JRK: variants seen among roughly 807,000 people sequenced by gnomAD.
JRK encodes the protein Jrk helix-turn-helix protein, also known as jerky protein homolog.
For synonymous variants in JRK, 303 were observed against 218.1 expected (o/e 1.39, Z -3.43); for missense variants, 720 against 509.2 (o/e 1.41, Z -3.98).
At position 142,666,241 on chromosome 8, in the gene JRK, C is replaced by T; in HGVS notation, c.-183G>A. On this transcript the variant is annotated 5_prime_UTR_variant, in exon 2 of 2. Transcript: ENST00000612905. ...CTCGGGTTTCTCACTCCACACGCTG[C>T]ACCTCCTGCCTCAGGTATCCCTGGT... 3 of 1,018,764 alleles carry T rather than the reference C, an allele frequency of 2.9e-6. No individual in the cohort carries two copies. The highest frequency in any genetic ancestry group is 1.5e-6 in the Non-Finnish European group (1 of 687,696). 63.1% of individuals were successfully genotyped at this position (1,018,764 alleles called of 1,614,324 possible).
At position 142,665,702 on chromosome 8, in the gene JRK, G is replaced by C. The variant is rs376598449; in HGVS notation, c.357C>G (p.Phe119Leu). 1.3e-5 allele frequency: 10 copies of C among 750,022 alleles called. No homozygotes were observed. The highest frequency in any genetic ancestry group is 2.2e-5 in the Non-Finnish European group (9 of 402,764). The allele number at this position is 750,022 out of a possible 1,614,324, so 46.5% of individuals were successfully genotyped here. ...GPMLIEKAKD[F>L]YEQMQLTEPC... is the part of the protein sequence containing the mutation. ...GCTCAGTGAGCTGCATCTGCTCGTA[G>C]AAGTCCTTGGCCTTCTCGATGAGCA... is the stretch of plus-strand genomic sequence containing the variant. The change falls in exon 2 of 2, where the codon TTC (phenylalanine) becomes TTG (leucine). Residue 119 changes from phenylalanine (F) to leucine (L), a missense_variant. Phe to Leu is a conservative substitution (Grantham distance 22, BLOSUM62 0). Coordinates refer to ENST00000612905, the MANE Select transcript of JRK (RefSeq NM_003724.4).
In JRK at chr8:142,664,613, G is replaced by T; in HGVS notation, c.1446C>A (p.Gly482=). Residue 482 remains glycine (G), a synonymous_variant, in exon 2 of 2, where the codon GGC becomes GGA. Coordinates refer to ENST00000612905, the MANE Select transcript of JRK (RefSeq NM_003724.4). The stretch of plus-strand genomic sequence containing the variant: ...CCGCCTGCTCCCAGGCCACCTCCTC[G>T]CCCTCACCAGGATCTCCTCTGCCGT... The part of the protein sequence containing the change: ...DQDGRGDPGE[G]EEVAWEQAAV... The T allele has an allele frequency of 6.2e-7, 1 of 1,609,990 alleles. No homozygotes were observed. Among genetic ancestry groups the T allele is most frequent in the Non-Finnish European group, 8.5e-7 (1 of 1,179,094 alleles).
At position 142,666,371 on chromosome 8, in the gene JRK, C is replaced by T; in HGVS notation, c.-313G>A. The stretch of plus-strand genomic sequence containing the variant: ...TGTCAGACTCCCCTCTGCTGCTCCA[C>T]ACGGCTGGAACTCCGGCCTTCTCTG... On this transcript the variant is annotated 5_prime_UTR_variant, in exon 2 of 2. It adds an upstream start codon to the 5' untranslated region. Coordinates refer to ENST00000612905, the MANE Select transcript of JRK (RefSeq NM_003724.4). 1 of 484,792 alleles carries T rather than the reference C, an allele frequency of 2.1e-6. No homozygotes were observed. The highest frequency in any genetic ancestry group is 3.3e-5 in the Admixed American group (1 of 29,946). 30.0% of individuals were successfully genotyped at this position (484,792 alleles called of 1,614,324 possible). A position where few individuals can be genotyped will look rare whatever the true frequency, so the allele number is the denominator to read the frequency against.
chr8:142,665,298 T>G lies in JRK; in HGVS notation c.761A>C (p.Tyr254Ser), dbSNP rs369670710. 1 of 717,672 alleles carries G rather than the reference T, an allele frequency of 1.4e-6. No homozygotes were observed. Among genetic ancestry groups the G allele is most frequent in the Non-Finnish European group, 2.6e-6 (1 of 385,102 alleles). 44.5% of individuals were successfully genotyped at this position (717,672 alleles called of 1,614,324 possible). A position where few individuals can be genotyped will look rare whatever the true frequency, so the allele number is the denominator to read the frequency against. Residue 254 changes from tyrosine (Y) to serine (S), a missense_variant, in exon 2 of 2, where the codon TAT becomes TCT. Transcript: ENST00000612905. ...FKGIQHLPVA[Y>S]KAQGNAWVDK... ...CACCCAGGCGTTCCCCTGGGCCTTATAGGCGACGGGCAGGTGCTGGATGCC... is the reference window on the plus strand; with the variant it reads ...CACCCAGGCGTTCCCCTGGGCCTTAGAGGCGACGGGCAGGTGCTGGATGCC...
chr8:142,669,199 T>TGTGTGTGTGTGTGC (rs1357904924), intron 1 of JRK, among the ~76,000 whole-genome samples: 3 of 61,596 alleles, frequency 4.9e-5, no homozygotes, highest in African/African-American at 2.4e-4. Flanking sequence ...TGTGTGTGTG[T>TGTGTGTGTGTGTGC]GCGTGTGTGT....
At chr8:142,657,137 T>C (rs781954100), downstream of JRK, among the ~76,000 whole-genome samples, 3 of 152,268 alleles carry the variant, frequency 2.0e-5, no homozygotes, top group African/African-American at 4.8e-5. Flanking sequence ...TCAGACATAA[T>C]TGCTGGAGAG....
the JRK span, among the ~76,000 whole-genome samples, chr8:142,649,414 G>A: frequency 1.3e-5 from 2 of 152,172 alleles, no homozygotes; most frequent in African/African-American, 4.8e-5. Flanking sequence ...TCTCCTGAGA[G>A]TAAGTAAGTC....
chr8:142,659,769 A>G lies in JRK; in HGVS notation c.*4583T>C. On this transcript the variant is annotated 3_prime_UTR_variant, in exon 2 of 2. Coordinates refer to ENST00000612905, the MANE Select transcript of JRK (RefSeq NM_003724.4). ...TGCAGCTGGTGAACAGCAGGGAGTG[A>G]GCAGTGGAGAACGTGAGGCTGGTCA... 2 of 985,542 alleles carry G rather than the reference A, an allele frequency of 2.0e-6. No individual in the cohort carries two copies. Among genetic ancestry groups the G allele is most frequent in the Non-Finnish European group, 2.4e-6 (2 of 829,986 alleles). 61.0% of individuals were successfully genotyped at this position (985,542 alleles called of 1,614,324 possible).
At position 142,664,117 on chromosome 8, in the gene JRK, T is replaced by G; in HGVS notation, c.*235A>C. On this transcript the variant is annotated 3_prime_UTR_variant, in exon 2 of 2. Coordinates refer to ENST00000612905, the MANE Select transcript of JRK (RefSeq NM_003724.4). Reference sequence around the variant, plus strand: ...GGCTAGGGTGGACCCTTCCAAAACATTTCCTCACTTTCGGATGACACGGCA... The same window carrying G: ...GGCTAGGGTGGACCCTTCCAAAACAGTTCCTCACTTTCGGATGACACGGCA... The G allele has an allele frequency of 7.6e-7, 1 of 1,318,628 alleles. No individual in the cohort carries two copies. The highest frequency in any genetic ancestry group is 9.6e-7 in the Non-Finnish European group (1 of 1,037,594). 81.7% of individuals were successfully genotyped at this position (1,318,628 alleles called of 1,614,324 possible).
chr8:142,648,145 G>T, the JRK span, among the ~76,000 whole-genome samples: 1 of 152,196 alleles, frequency 6.6e-6, no homozygotes, highest in Admixed American at 6.5e-5. Context: ...GCTGTTAAAG[G>T]CGTTCAGTTT....
intron 1 of JRK, among the ~76,000 whole-genome samples, chr8:142,669,704 G>A (rs1327462386): frequency 2.0e-5 from 3 of 151,154 alleles, no homozygotes; most frequent in Non-Finnish European, 3.0e-5. Context: ...GGTCGCGCGG[G>A]AAGCACAGGG....
intron 1 of JRK, among the ~76,000 whole-genome samples, chr8:142,667,803 G>A (rs1347017086): frequency 6.6e-6 from 1 of 152,130 alleles, no homozygotes. Context: ...CCTATATAAA[G>A]ACAATGCGGG....
the JRK span, among the ~76,000 whole-genome samples, chr8:142,652,154 C>T: frequency 2.6e-5 from 4 of 152,152 alleles, no homozygotes; most frequent in African/African-American, 9.7e-5. Flanking sequence ...CAAGCTGGTA[C>T]TAAGCACTCA....
chr8:142,645,834 C>G, the JRK span, among the ~76,000 whole-genome samples: 1 of 152,188 alleles, frequency 6.6e-6, no homozygotes, highest in African/African-American at 2.4e-5. Context: ...GATTCTGTCT[C>G]ATATAAAATT....
chr8:142,663,291 A>G lies in JRK; in HGVS notation c.*1061T>C, dbSNP rs868991225. 2.9e-5 allele frequency: 29 copies of G among 985,358 alleles called. No individual in the cohort carries two copies. Among genetic ancestry groups the G allele is most frequent in the Middle Eastern group, 1.0e-3 (2 of 1,936 alleles). The allele number at this position is 985,358 out of a possible 1,614,324, so 61.0% of individuals were successfully genotyped here. A position where few individuals can be genotyped will look rare whatever the true frequency, so the allele number is the denominator to read the frequency against. ...AATGGAGATGCCGCAAAGCAACTAC[A>G]GACATGGAGAAAATAACCACATCCT... On this transcript the variant is annotated 3_prime_UTR_variant, in exon 2 of 2. Transcript: ENST00000612905.
At chr8:142,656,094 A>G (rs952119211), downstream of JRK, among the ~76,000 whole-genome samples, 1 of 152,184 alleles carries the variant, frequency 6.6e-6, no homozygotes. Context: ...CTACATAGGT[A>G]GTTTCTATTA....
At position 142,658,035 on chromosome 8, in the gene JRK, TCATGGTG is replaced by T. The variant is rs1246989858; in HGVS notation, c.*6310_*6316del. 3 of 152,220 alleles carry T rather than the reference TCATGGTG, an allele frequency of 2.0e-5. No individual in the cohort carries two copies. The highest frequency in any genetic ancestry group is 2.0e-4 in the Admixed American group (3 of 15,274). The allele number at this position is 152,220 out of a possible 1,614,324, so 9.4% of individuals were successfully genotyped here. A position where few individuals can be genotyped will look rare whatever the true frequency, so the allele number is the denominator to read the frequency against. ...TCCGTATTTATTGCCTCTGTCCGGG[TCATGGTG>T]GGCAGGTGGGTCTGCCTCCCCTTCT... On this transcript the variant is annotated 3_prime_UTR_variant, in exon 2 of 2. Transcript: ENST00000612905.
the JRK span, among the ~76,000 whole-genome samples, chr8:142,648,886 T>C: frequency 6.6e-6 from 1 of 152,232 alleles, no homozygotes; most frequent in East Asian, 1.9e-4. Context: ...GGCTGTACCC[T>C]GCAAAGCCAC....
Position 142,669,920 on chromosome 8 carries a change from G to A in JRK, c.-463+12C>T, listed in dbSNP as rs1176171317. 8 of 153,324 alleles carry A rather than the reference G, an allele frequency of 5.2e-5. No individual in the cohort carries two copies. Among genetic ancestry groups the A allele is most frequent in the Non-Finnish European group, 1.0e-4 (7 of 68,414 alleles). 9.5% of individuals were successfully genotyped at this position (153,324 alleles called of 1,614,324 possible). A position where few individuals can be genotyped will look rare whatever the true frequency, so the allele number is the denominator to read the frequency against. On this transcript the variant is annotated intron_variant, in intron 1 of 1. Coordinates refer to ENST00000612905, the MANE Select transcript of JRK (RefSeq NM_003724.4). ...CCGGCCGCCCAGCGCCTCAGGCCAG[G>A]ACCCTACTCACCCTGCTCACCCGGA...
Sources: allele counts gnomAD v4.1 joint callset (sites outside exome capture counted in the v4.1 genomes callset), GRCh38; gene constraint gnomAD v4.1.1; transcripts MANE v1.5; gene names NCBI Gene and HGNC (gene_info 2026-07-23, HGNC 2026-07-21).